Variants in NPR2 observed in about 807,000 individuals in gnomAD.
NPR2 encodes atrial natriuretic peptide receptor 2.
In NPR2, 49 loss-of-function variants were observed where a neutral mutation model predicts 120.7. The ratio of observed to expected loss-of-function variants is 0.41; its 90% CI spans 0.32 to 0.52. NPR2 has a LOEUF of 0.52. Ranked by LOEUF, NPR2 falls within the 20% of genes least tolerant of loss-of-function variation. The pLI is 0.36. For missense variants in NPR2, 931 were observed against 1,362.9 expected (o/e 0.68, Z 4.99); for synonymous variants, 484 against 519.8 (o/e 0.93, Z 0.94).
chr9:35,799,444 A>ACG (rs71276206), intron 2 of NPR2, among the ~76,000 whole-genome samples, 174 bp from the exon 3 acceptor site: 1 of 148,986 alleles, frequency 6.7e-6, no homozygotes, highest in African/African-American at 2.5e-5. Context: ...ACACACACAC[A>ACG]CGCACACACA....
intron 2 of NPR2, among the ~76,000 whole-genome samples, chr9:35,794,908 T>C (rs976050212): frequency 1.3e-5 from 2 of 151,836 alleles, no homozygotes; most frequent in African/African-American, 4.8e-5. Context: ...GGGGGAGACC[T>C]GGGGCAGTGA....
In NPR2 at chr9:35,805,643, C is replaced by T. The variant is rs1201753135; in HGVS notation, c.2020C>T (p.Pro674Ser). Residue 674 changes from proline to serine, a missense_variant, in exon 13 of 22, where the codon CCT becomes TCT. By Grantham distance (74) the Pro-to-Ser change is moderately conservative. Coordinates refer to ENST00000342694, the MANE Select transcript of NPR2 (RefSeq NM_003995.4). This position sits in a 1 kb window ranked among gnomAD's most constrained non-coding sequence, Gnocchi z 4.9. The part of the protein sequence containing the change: ...GLASFRSTAE[P>S]DDSHALYAKK... Reference sequence around the variant, plus strand: ...GGCCAGCTTCCGATCAACTGCTGAACCTGATGACAGCCATGCCCTCTATGC... The same window carrying T: ...GGCCAGCTTCCGATCAACTGCTGAATCTGATGACAGCCATGCCCTCTATGC... The T allele has an allele frequency of 1.2e-6, 2 of 1,614,160 alleles. No individual in the cohort carries two copies. The highest frequency in any genetic ancestry group is 1.7e-6 in the Non-Finnish European group (2 of 1,180,050).
intron 2 of NPR2, among the ~76,000 whole-genome samples, chr9:35,796,688 G>A (rs192810355): frequency 6.6e-6 from 1 of 152,330 alleles, no homozygotes; most frequent in East Asian, 1.9e-4. Context: ...TGCAACACAA[G>A]AGAAGGGAAC....
At position 35,792,339 on chromosome 9, in the gene NPR2, T is replaced by A. The variant is rs1359384355; in HGVS notation, c.-70T>A. ...CTTCCCCAGGCTCCAGGCTGGGGGG[T>A]GCTCGCGTCTCCCCTGTAGGCCAGA... On this transcript the variant is annotated 5_prime_UTR_variant, in exon 1 of 22. Coordinates refer to ENST00000342694, the MANE Select transcript of NPR2 (RefSeq NM_003995.4). The A allele has an allele frequency of 2.0e-6, 3 of 1,502,052 alleles. No homozygotes were observed. The highest frequency in any genetic ancestry group is 2.4e-4 in the Middle Eastern group (1 of 4,184). 93.0% of individuals were successfully genotyped at this position (1,502,052 alleles called of 1,614,324 possible).
In NPR2 at chr9:35,792,136, G is replaced by T. The variant is rs1354140727; in HGVS notation, c.-273G>T. Reference sequence around the variant, plus strand: ...CGCACTGTCCCCATCCTGGCCGCAGGCCCCCTCGGTCCCTCCCTCCCCCTG... The same window carrying T: ...CGCACTGTCCCCATCCTGGCCGCAGTCCCCCTCGGTCCCTCCCTCCCCCTG... On this transcript the variant is annotated 5_prime_UTR_variant, in exon 1 of 22. Coordinates refer to ENST00000342694, the MANE Select transcript of NPR2 (RefSeq NM_003995.4). 9.1e-6 allele frequency: 5 copies of T among 549,442 alleles called. No homozygotes were observed. In the East Asian group the frequency reaches 1.5e-4, roughly 17 times the overall value. The allele number at this position is 549,442 out of a possible 1,614,324, so 34.0% of individuals were successfully genotyped here.
chr9:35,801,967 A>C lies in NPR2; in HGVS notation c.1599A>C (p.Lys533Asn). The C allele has an allele frequency of 6.2e-7, 1 of 1,614,196 alleles. No individual in the cohort carries two copies. The change falls in exon 9 of 22, where the codon AAA becomes AAC. Residue 533 changes from lysine to asparagine, a missense_variant. Lys to Asn is a moderately conservative substitution (Grantham distance 94). Around this residue, in one of 3 missense-constraint regions of NPR2, gnomAD observed 681 missense variants for 974.3 expected, o/e 0.70. Transcript: ENST00000342694. ...GCTCGCTCATGACAGCCCATGGGAA[A>C]TACCAGATCTTTGCCAACACCGGTC... ...SYGSLMTAHG[K>N]YQIFANTGHF...
rs762074063 is a variant in NPR2, at chr9:35,801,684, G to A, written c.1478G>A (p.Arg493His). ...AAGGAGCTGGCTAGCATGTTGTGGCGTATTCGCTGGGAAGAACTGCAGTTT... is the reference window on the plus strand; with the variant it reads ...AAGGAGCTGGCTAGCATGTTGTGGCATATTCGCTGGGAAGAACTGCAGTTT... ...LEKELASMLW[R>H]IRWEELQFGN... is the part of the protein sequence containing the mutation. The change falls in exon 8 of 22, where the codon CGT (arginine) becomes CAT (histidine). Residue 493 changes from arginine to histidine, a missense_variant. Physicochemically the swap from Arg to His is conservative, Grantham distance 29 (BLOSUM62 0). Transcript: ENST00000342694. The A allele has an allele frequency of 2.0e-5, 33 of 1,613,940 alleles. No homozygotes were observed. Among genetic ancestry groups the A allele is most frequent in the South Asian group, 3.3e-5 (3 of 91,084 alleles).
chr9:35,806,502 G>A lies in NPR2; in HGVS notation c.2483G>A (p.Arg828His), dbSNP rs1828391717. ...ACACAGGCCTATCTGGAGGAAAAAC[G>A]CAAGGCTGAAGCTCTGCTCTACCAA... ...ERTQAYLEEK[R>H]KAEALLYQIL... The change falls in exon 16 of 22, where the codon CGC becomes CAC. Residue 828 changes from arginine to histidine, a missense_variant. By Grantham distance (29) the Arg-to-His change is conservative. Coordinates refer to ENST00000342694, the MANE Select transcript of NPR2 (RefSeq NM_003995.4). The surrounding 1 kb of genome is among the most constrained non-coding windows in gnomAD (Gnocchi z 4.6). The A allele has an allele frequency of 1.9e-6, 3 of 1,614,176 alleles. No homozygotes were observed. Among genetic ancestry groups the A allele is most frequent in the Non-Finnish European group, 2.5e-6 (3 of 1,180,016 alleles).
chr9:35,800,599 T>G lies in NPR2; in HGVS notation c.1219-110T>G. 6.3e-7 allele frequency: 1 copy of G among 1,591,580 alleles called. No individual in the cohort carries two copies. Among genetic ancestry groups the G allele is most frequent in the Non-Finnish European group, 8.6e-7 (1 of 1,160,684 alleles). On this transcript the variant is annotated intron_variant, in intron 5 of 21. Coordinates refer to ENST00000342694, the MANE Select transcript of NPR2 (RefSeq NM_003995.4). The surrounding 1 kb of genome is among the most constrained non-coding windows in gnomAD (Gnocchi z 4.7). Reference sequence around the variant, plus strand: ...AGGGATTTGTTTTCTCTGCTGGCACTGCATCCTGGCTGGGTGGTAGGCTGG... The same window carrying G: ...AGGGATTTGTTTTCTCTGCTGGCACGGCATCCTGGCTGGGTGGTAGGCTGG...
chr9:35,807,524 T>G, intron 18 of NPR2, 126 bp downstream of exon 18: 1 of 803,962 alleles, frequency 1.2e-6, no homozygotes. Context: ...GTACTCAGCA[T>G]CCTGGTGCTG....
chr9:35,799,950 G>T, intron 3 of NPR2, 72 bp from the exon 4 acceptor site: 4 of 1,599,636 alleles, frequency 2.5e-6, no homozygotes, highest in Non-Finnish European at 2.6e-6. Context: ...ATAGGTAGAA[G>T]GGAGACCCCA....
intron 1 of NPR2, among the ~76,000 whole-genome samples, chr9:35,793,399 C>T (rs1827848074): frequency 6.6e-6 from 1 of 152,174 alleles, no homozygotes; most frequent in Admixed American, 6.5e-5. Flanking sequence ...TTGATAGCCA[C>T]TCTGAAATGT....
chr9:35,809,357 C>A lies in NPR2; in HGVS notation c.3079-23C>A. 3.1e-6 allele frequency: 5 copies of A among 1,613,926 alleles called. No homozygotes were observed. Among genetic ancestry groups the A allele is most frequent in the Non-Finnish European group, 4.2e-6 (5 of 1,179,844 alleles). On this transcript the variant is annotated intron_variant, in intron 21 of 21. Transcript: ENST00000342694. This position sits in a 1 kb window ranked among gnomAD's most constrained non-coding sequence, Gnocchi z 4.1. Reference sequence around the variant, plus strand: ...GGGACTAACATCGAAGCATCTGAATCATGTCCACTCTCCCACTTCCAGGGA... The same window carrying A: ...GGGACTAACATCGAAGCATCTGAATAATGTCCACTCTCCCACTTCCAGGGA...
rs180773451 is a variant in NPR2 at position 35,806,251 on chromosome 9, G to A, written c.2372+18G>A. 5.5e-4 allele frequency: 893 copies of A among 1,614,052 alleles called. No homozygotes were observed. Among genetic ancestry groups the A allele is most frequent in the Non-Finnish European group, 7.0e-4 (824 of 1,180,008 alleles). On this transcript the variant is annotated intron_variant, in intron 15 of 21. Transcript: ENST00000342694. The surrounding 1 kb of genome is among the most constrained non-coding windows in gnomAD (Gnocchi z 4.6). ...TTTAACAAGTGAGAGGGCATTATGG[G>A]GCAGGGGCTTCCCAGGGATAGAAGA...
At position 35,801,084 on chromosome 9, in the gene NPR2, C is replaced by T; in HGVS notation, c.1366C>T (p.Leu456=). 2 of 1,614,016 alleles carry T rather than the reference C, an allele frequency of 1.2e-6. No individual in the cohort carries two copies. The highest frequency in any genetic ancestry group is 2.2e-5 in the South Asian group (2 of 91,084). ...PSCDKTPLST[L]AIVALGTGIT... ...TTCCCCTTCAGCTCCACTTTCAACC[C>T]TGGCAATTGTGGCTCTGGGCACAGG... Residue 456 remains leucine, a synonymous_variant, in exon 7 of 22, where the codon CTG becomes TTG. Coordinates refer to ENST00000342694, the MANE Select transcript of NPR2 (RefSeq NM_003995.4).
chr9:35,805,753 T>C lies in NPR2; in HGVS notation c.2048-77T>C. 6.2e-7 allele frequency: 1 copy of C among 1,606,934 alleles called. No homozygotes were observed. Among genetic ancestry groups the C allele is most frequent in the South Asian group, 1.1e-5 (1 of 90,886 alleles). On this transcript the variant is annotated intron_variant, in intron 13 of 21. Coordinates refer to ENST00000342694, the MANE Select transcript of NPR2 (RefSeq NM_003995.4). This position sits in a 1 kb window ranked among gnomAD's most constrained non-coding sequence, Gnocchi z 4.9. ...GTGGGAGAGGGAGGTGGAGTGACAG[T>C]AATATAGGGATGAGCCCAGGTGGGC... is the stretch of plus-strand genomic sequence containing the variant.
Position 35,801,083 on chromosome 9 carries a change from C to A in NPR2, c.1365C>A (p.Thr455=). ...DPSCDKTPLS[T]LAIVALGTGI... ...TTTCCCCTTCAGCTCCACTTTCAAC[C>A]CTGGCAATTGTGGCTCTGGGCACAG... Residue 455 remains threonine (T), a synonymous_variant, in exon 7 of 22, where the codon ACC becomes ACA. Coordinates refer to ENST00000342694, the MANE Select transcript of NPR2 (RefSeq NM_003995.4). The A allele has an allele frequency of 6.2e-7, 1 of 1,613,948 alleles. No individual in the cohort carries two copies. The highest frequency in any genetic ancestry group is 1.3e-5 in the African/African-American group (1 of 75,050).
chr9:35,798,475 A>G (rs1458520092), intron 2 of NPR2, among the ~76,000 whole-genome samples: 3 of 152,240 alleles, frequency 2.0e-5, no homozygotes, highest in Non-Finnish European at 2.9e-5. Flanking sequence ...ATGAATGCAT[A>G]TTAGAAATCG....
Position 35,806,021 on chromosome 9 carries a change from C to G in NPR2, c.2203+36C>G, listed in dbSNP as rs1828362770. ...ATCCACTACCCACAGCCTCTTCTTC[C>G]TGGGGGAACTCTGTTCTTCATCCAA... On this transcript the variant is annotated intron_variant, in intron 14 of 21. Coordinates refer to ENST00000342694, the MANE Select transcript of NPR2 (RefSeq NM_003995.4). The surrounding 1 kb of genome is among the most constrained non-coding windows in gnomAD (Gnocchi z 4.6). The G allele has an allele frequency of 1.2e-6, 2 of 1,614,166 alleles. No homozygotes were observed. Among genetic ancestry groups the G allele is most frequent in the Admixed American group, 1.7e-5 (1 of 60,036 alleles).
Sources: gnomAD v4.1 joint callset for allele counts (sites outside exome capture counted in the v4.1 genomes callset) on GRCh38, gnomAD v4.1.1 for gene constraint, gnomAD v4.1.1 regional missense constraint, Gnocchi (gnomAD v3.1) non-coding constraint, MANE v1.5 for transcripts, NCBI Gene and HGNC (gene_info 2026-07-23, HGNC 2026-07-21) for gene names.